AKAP6: variants seen among roughly 807,000 people sequenced by gnomAD.
AKAP6 encodes A-kinase anchor protein 6.
AKAP6 carries 58 observed loss-of-function variants against 188.5 expected under a neutral mutation model. That is an observed-to-expected ratio of 0.31 (90% confidence interval 0.25 to 0.38). AKAP6 has a LOEUF of 0.38. Among genes scored for constraint, AKAP6 ranks in the 10% least tolerant of loss-of-function variants. The pLI is 1.00. For missense variants in AKAP6, 2,710 were observed against 2,740.0 expected (o/e 0.99, Z 0.24); for synonymous variants, 989 against 998.6 (o/e 0.99, Z 0.18).
chr14:32,677,122 G>A (rs1275885659), intron 7 of AKAP6, among the ~76,000 whole-genome samples: 3 of 152,160 alleles, frequency 2.0e-5, no homozygotes, highest in Admixed American at 6.5e-5. Flanking sequence ...CACCGCACCC[G>A]GCCTGCAAGA....
chr14:32,578,651 A>G (rs1884834390), intron 5 of AKAP6, among the ~76,000 whole-genome samples: 1 of 152,200 alleles, frequency 6.6e-6, no homozygotes, highest in Non-Finnish European at 1.5e-5. Flanking sequence ...ACAGGAGTAT[A>G]TGAACTTTAT....
At position 32,732,460 on chromosome 14, in the gene AKAP6, A is replaced by G. The variant is rs1288202976; in HGVS notation, c.3007A>G (p.Ser1003Gly). Residue 1003 changes from serine (S) to glycine (G), a missense_variant, in exon 10 of 14, where the codon AGT (serine) becomes GGT (glycine). This residue lies in a region of AKAP6 where 2,473 missense variants were observed against 2,426.1 expected (regional missense o/e 1.02). Coordinates refer to ENST00000280979, the MANE Select transcript of AKAP6 (RefSeq NM_004274.5). Reference sequence around the variant, plus strand: ...TTTTCTCTTTTCATTTTAGCGATACAGTGTGGAAATGTCCATCAGACACCT... The same window carrying G: ...TTTTCTCTTTTCATTTTAGCGATACGGTGTGGAAATGTCCATCAGACACCT... ...EQQQHLYKRYSVEMSIRHLKK... is the reference protein window; with the variant it reads ...EQQQHLYKRYGVEMSIRHLKK... 5.0e-6 allele frequency: 8 copies of G among 1,612,102 alleles called. No individual in the cohort carries two copies. The highest frequency in any genetic ancestry group is 5.9e-6 in the Non-Finnish European group (7 of 1,179,164).
intron 1 of AKAP6, among the ~76,000 whole-genome samples, chr14:32,352,148 G>A (rs1392235527): frequency 1.3e-5 from 2 of 150,510 alleles, no homozygotes; most frequent in Non-Finnish European, 3.0e-5. Flanking sequence ...GGGGGTGGGT[G>A]TCTAGGCCCT....
chr14:32,528,001 T>A (rs1248501081), intron 2 of AKAP6, among the ~76,000 whole-genome samples: 1 of 152,220 alleles, frequency 6.6e-6, no homozygotes, highest in Non-Finnish European at 1.5e-5. Flanking sequence ...TGGTGTTGTA[T>A]CTATTAACAA....
chr14:32,699,431 A>G (rs1890538864), intron 9 of AKAP6, among the ~76,000 whole-genome samples: 1 of 152,182 alleles, frequency 6.6e-6, no homozygotes, highest in Non-Finnish European at 1.5e-5. Context: ...CTTAATTAAT[A>G]CTGCAATGGG....
Position 32,330,621 on chromosome 14 carries a change from A to G in AKAP6, c.-35+1213A>G, listed in dbSNP as rs570829295. Among the ~76,000 whole-genome samples, 8 of 151,382 alleles carry G rather than the reference A, an allele frequency of 5.3e-5. No homozygotes were observed. In the South Asian group the frequency reaches 1.7e-3, roughly 32 times the overall value. On this transcript the variant is annotated intron_variant, in intron 1 of 13. Coordinates refer to ENST00000280979, the MANE Select transcript of AKAP6 (RefSeq NM_004274.5). ...AGTCTTACACGAAAGAATGGCAACC[A>G]TTGAATTCCTCTTCTTTTAGTCTGT...
chr14:32,651,822 A>G (rs908752618), intron 7 of AKAP6, among the ~76,000 whole-genome samples: 6 of 152,158 alleles, frequency 3.9e-5, no homozygotes, highest in Admixed American at 1.3e-4. Context: ...TTGTACCTCT[A>G]TGTATTGTAG....
At chr14:32,761,511 A>G (rs2032536408) in intron 11 of AKAP6, among the ~76,000 whole-genome samples, 1 of 152,148 alleles carries the variant, frequency 6.6e-6, no homozygotes, top group Non-Finnish European at 1.5e-5. Flanking sequence ...ATAGCCAACT[A>G]CGTATGGATG....
intron 7 of AKAP6, among the ~76,000 whole-genome samples, chr14:32,605,125 C>T (rs1451696243): frequency 2.4e-5 from 3 of 127,614 alleles, no homozygotes; most frequent in Admixed American, 8.9e-5. Flanking sequence ...GACAAGCCTT[C>T]ATTTTCTAGA....
chr14:32,757,724 C>G (rs751623915), intron 11 of AKAP6, among the ~76,000 whole-genome samples: 5 of 152,124 alleles, frequency 3.3e-5, no homozygotes, highest in Admixed American at 6.5e-5. Flanking sequence ...ACAGGCTAAA[C>G]GGAGATACAG....
intron 1 of AKAP6, among the ~76,000 whole-genome samples, chr14:32,425,155 TA>T (rs1889988227): frequency 6.6e-6 from 1 of 152,210 alleles, no homozygotes; most frequent in African/African-American, 2.4e-5. Flanking sequence ...CAGCATCTGT[TA>T]TTTTTTTTGA....
At chr14:32,738,203 C>T (rs1412385894) in intron 11 of AKAP6, among the ~76,000 whole-genome samples, 2 of 152,112 alleles carry the variant, frequency 1.3e-5, no homozygotes, top group African/African-American at 4.8e-5. Context: ...GCTTCAATGC[C>T]ATTGGCTGGA....
intron 2 of AKAP6, among the ~76,000 whole-genome samples, chr14:32,467,808 T>C (rs1261475833): frequency 2.0e-5 from 3 of 152,088 alleles, no homozygotes; most frequent in African/African-American, 7.2e-5. Context: ...CCCCAATATT[T>C]CCCTCAGCTT....
At position 32,546,615 on chromosome 14, in the gene AKAP6, G is replaced by A. The variant is rs1883211320; in HGVS notation, c.1962G>A (p.Leu654=). ...ALKLENLTKL[L]PQKPRGETIQ... ...AGTTGGAAAACCTAACAAAGCTTCTGCCTCAGAAACCCAGAGGAGAAACCA... is the reference window on the plus strand; with the variant it reads ...AGTTGGAAAACCTAACAAAGCTTCTACCTCAGAAACCCAGAGGAGAAACCA... The change falls in exon 4 of 14, where the codon CTG becomes CTA. Residue 654 remains leucine (L), a synonymous_variant. Coordinates refer to ENST00000280979, the MANE Select transcript of AKAP6 (RefSeq NM_004274.5). The A allele has an allele frequency of 3.7e-6, 6 of 1,614,036 alleles. No individual in the cohort carries two copies. In the African/African-American group the frequency reaches 5.3e-5, roughly 14 times the overall value.
rs1337312274 is a variant in AKAP6, at chr14:32,837,336, T to G, written c.*7531T>G. 1 of 152,180 alleles carries G rather than the reference T, an allele frequency of 6.6e-6. No homozygotes were observed. The highest frequency in any genetic ancestry group is 1.5e-5 in the Non-Finnish European group (1 of 68,030). 9.4% of individuals were successfully genotyped at this position (152,180 alleles called of 1,614,324 possible). A position where few individuals can be genotyped will look rare whatever the true frequency, so the allele number is the denominator to read the frequency against. On this transcript the variant is annotated 3_prime_UTR_variant, in exon 14 of 14. Coordinates refer to ENST00000280979, the MANE Select transcript of AKAP6 (RefSeq NM_004274.5). Reference sequence around the variant, plus strand: ...CCTGCCATTTTAAAAGACACCTAACTCTATAAACAAATGGGCCATTACAGA... The same window carrying G: ...CCTGCCATTTTAAAAGACACCTAACGCTATAAACAAATGGGCCATTACAGA...
rs913243544 is a variant in AKAP6, at chr14:32,535,947, A to G, written c.576+142A>G. 6.3e-6 allele frequency: 8 copies of G among 1,270,682 alleles called. No homozygotes were observed. The Admixed American group carries it at 1.8e-4, about 28-fold the overall frequency. 78.7% of individuals were successfully genotyped at this position (1,270,682 alleles called of 1,614,324 possible). A position where few individuals can be genotyped will look rare whatever the true frequency, so the allele number is the denominator to read the frequency against. Reference sequence around the variant, plus strand: ...GGCTTTGAATCTAGGCATAGTGACTAGAAGCTAGGGCACTTCCAATATGAA... The same window carrying G: ...GGCTTTGAATCTAGGCATAGTGACTGGAAGCTAGGGCACTTCCAATATGAA... On this transcript the variant is annotated intron_variant, in intron 3 of 13. Coordinates refer to ENST00000280979, the MANE Select transcript of AKAP6 (RefSeq NM_004274.5).
rs1437449754 is a variant in AKAP6, at chr14:32,834,531, G to GTGTTTTT, written c.*4727_*4728insGTTTTTT. The stretch of plus-strand genomic sequence containing the variant: ...ATCACACACTGCTTTTAGTTTCCAA[G>GTGTTTTT]TCTTTTTTTTTTTTTTTTTTTTTAA... On this transcript the variant is annotated 3_prime_UTR_variant, in exon 14 of 14. Coordinates refer to ENST00000280979, the MANE Select transcript of AKAP6 (RefSeq NM_004274.5). The GTGTTTTT allele has an allele frequency of 2.2e-5, 2 of 90,504 alleles. No homozygotes were observed. The highest frequency in any genetic ancestry group is 4.3e-5 in the Non-Finnish European group (2 of 46,348). 5.6% of individuals were successfully genotyped at this position (90,504 alleles called of 1,614,324 possible).
In AKAP6 at chr14:32,822,388, T is replaced by A. The variant is rs746533939; in HGVS notation, c.4575T>A (p.His1525Gln). 1.8e-5 allele frequency: 29 copies of A among 1,613,848 alleles called. No homozygotes were observed. In the African/African-American group the frequency reaches 2.8e-4, roughly 16 times the overall value. The change falls in exon 13 of 14, where the codon CAT (histidine) becomes CAA (glutamine). Residue 1525 changes from histidine (H) to glutamine (Q), a missense_variant. His to Gln is a conservative substitution (Grantham distance 24). Transcript: ENST00000280979. ...TTELQPDVPP[H>Q]ERILASASHE... ...AGTTACAACCAGATGTACCTCCCCA[T>A]GAAAGGATTTTGGCAAGTGCATCTC... is the stretch of plus-strand genomic sequence containing the variant.
At chr14:32,434,273 CT>C (rs1369808535) in intron 2 of AKAP6, among the ~76,000 whole-genome samples, 1 of 152,102 alleles carries the variant, frequency 6.6e-6, no homozygotes, top group African/African-American at 2.4e-5. Flanking sequence ...GGGCAATGTT[CT>C]TTTACAATGA....
Sources: allele counts gnomAD v4.1 joint callset (sites outside exome capture counted in the v4.1 genomes callset), GRCh38; gene constraint gnomAD v4.1.1; regional missense constraint gnomAD v4.1.1; transcripts MANE v1.5; gene names NCBI Gene and HGNC (gene_info 2026-07-23, HGNC 2026-07-21).